RBFOX1: variants seen among roughly 807,000 people sequenced by gnomAD.
RBFOX1 encodes RNA binding protein fox-1 homolog 1.
A neutral mutation model predicts 57.7 loss-of-function variants in RBFOX1; 8 were observed. That is an observed-to-expected ratio of 0.14 (90% confidence interval 0.08 to 0.25). The LOEUF (loss-of-function observed/expected upper bound fraction) is 0.25. RBFOX1 is among the 10% of genes least tolerant of loss of function. The pLI, the probability that RBFOX1 is intolerant of heterozygous loss-of-function variation, is 1.00. For synonymous variants in RBFOX1, 326 were observed against 222.4 expected, an observed-to-expected ratio of 1.47 and a Z score of -4.15; for missense variants, 611 against 548.5, an observed-to-expected ratio of 1.11 and a Z score of -1.14.
At chr16:5,743,152 G>T (rs1755175866) in intron 3 of RBFOX1, among the ~76,000 whole-genome samples, 1 of 152,162 alleles carries the variant, frequency 6.6e-6, no homozygotes, top group South Asian at 2.1e-4. Context: ...AAAAAGGAGA[G>T]GAGATATATG....
rs558653487 is a variant in RBFOX1, at chr16:7,000,345, A to G, written c.-15-51712A>G. 1.2e-4 allele frequency among the ~76,000 whole-genome samples: 19 copies of G among 152,204 alleles called. 1 individual carries two copies. In the South Asian group the frequency reaches 3.7e-3, roughly 30 times the overall value. On this transcript the variant is annotated intron_variant, in intron 3 of 15. Coordinates refer to ENST00000550418, the MANE Select transcript of RBFOX1 (RefSeq NM_018723.4). ...GTCTCAAATTAAAATTAGTCGATAC[A>G]TCTCTCAAGTTTCTTTTATTAAACT...
intron 4 of RBFOX1, among the ~76,000 whole-genome samples, chr16:7,142,228 T>G (rs116487388): frequency 0.055 from 8,323 of 152,094 alleles, 767 homozygotes; most frequent in African/African-American, 0.19. Context: ...TTCATCATGT[T>G]GTCCAGGCTG....
intron 3 of RBFOX1, among the ~76,000 whole-genome samples, chr16:6,767,751 T>C (rs1229157087): frequency 6.6e-6 from 1 of 151,376 alleles, no homozygotes; most frequent in East Asian, 1.9e-4. Flanking sequence ...CCATCTCTAC[T>C]AAAAATACAA....
At chr16:7,516,881 T>C (rs2076475490) in intron 4 of RBFOX1, among the ~76,000 whole-genome samples, 1 of 152,068 alleles carries the variant, frequency 6.6e-6, no homozygotes, top group African/African-American at 2.4e-5. Flanking sequence ...TTTGCTGCAC[T>C]CAAATTGCTT....
chr16:7,333,513 A>T (rs2096730165), intron 4 of RBFOX1, among the ~76,000 whole-genome samples: 1 of 152,156 alleles, frequency 6.6e-6, no homozygotes, highest in Non-Finnish European at 1.5e-5. Context: ...AATTCATAGG[A>T]CGCCTCCACA....
chr16:7,208,499 A>G (rs1369922413), intron 4 of RBFOX1, among the ~76,000 whole-genome samples: 2 of 152,020 alleles, frequency 1.3e-5, no homozygotes, highest in Admixed American at 1.3e-4. Context: ...ACATAGTGGG[A>G]GGGGAAGCAA....
At chr16:5,485,538 C>T (rs1173618384) in intron 2 of RBFOX1, among the ~76,000 whole-genome samples, 1 of 152,016 alleles carries the variant, frequency 6.6e-6, no homozygotes, top group Non-Finnish European at 1.5e-5. Flanking sequence ...TACTAAATGC[C>T]AAGTACCACA....
At chr16:6,675,211 G>C (rs903174652) in intron 3 of RBFOX1, among the ~76,000 whole-genome samples, 4 of 152,122 alleles carry the variant, frequency 2.6e-5, no homozygotes, top group South Asian at 2.1e-4. Flanking sequence ...GCCCATTTCT[G>C]TTGTTTTAAG....
intron 3 of RBFOX1, among the ~76,000 whole-genome samples, chr16:6,743,065 C>T (rs949418857): frequency 1.3e-5 from 2 of 152,072 alleles, no homozygotes; most frequent in African/African-American, 4.8e-5. Context: ...AACAATACTT[C>T]TCTGTAGTGT....
intron 4 of RBFOX1, among the ~76,000 whole-genome samples, chr16:5,930,040 G>T (rs1342203577): frequency 6.6e-6 from 1 of 151,794 alleles, no homozygotes; most frequent in Non-Finnish European, 1.5e-5. Flanking sequence ...AGGCGGAATG[G>T]CTTGCATTTC....
At chr16:7,487,776 G>C (rs1360089203) in intron 4 of RBFOX1, among the ~76,000 whole-genome samples, 1 of 152,126 alleles carries the variant, frequency 6.6e-6, no homozygotes, top group Non-Finnish European at 1.5e-5. Flanking sequence ...TTCAGCACTT[G>C]GACAACCTAA....
intron 1 of RBFOX1, among the ~76,000 whole-genome samples, chr16:6,161,364 G>A (rs2152745139): frequency 6.6e-6 from 1 of 150,706 alleles, no homozygotes; most frequent in Middle Eastern, 3.4e-3. Flanking sequence ...ACTCCAGCCT[G>A]GGCGATAGAG....
At chr16:5,697,588 C>T (rs528558615) in intron 3 of RBFOX1, among the ~76,000 whole-genome samples, 1 of 143,262 alleles carries the variant, frequency 7.0e-6, no homozygotes, top group East Asian at 2.0e-4. Context: ...GGCTGGAGTG[C>T]ATTGGCATGA....
chr16:5,406,658 A>G (rs985443785), intron 1 of RBFOX1, among the ~76,000 whole-genome samples: 10 of 152,104 alleles, frequency 6.6e-5, no homozygotes, highest in African/African-American at 2.4e-4. Flanking sequence ...ATAAATATGT[A>G]TGTATATGTG....
chr16:6,534,798 A>C lies in RBFOX1; in HGVS notation c.-63-119805A>C, dbSNP rs1343880830. Among the ~76,000 whole-genome samples the C allele has an allele frequency of 2.0e-5, 3 of 152,128 alleles. No individual in the cohort carries two copies. The East Asian group carries it at 5.8e-4, about 29-fold the overall frequency. On this transcript the variant is annotated intron_variant, in intron 2 of 15. Coordinates refer to ENST00000550418, the MANE Select transcript of RBFOX1 (RefSeq NM_018723.4). ...TTGACTGGGGTACTGGTTCATGTAT[A>C]TGTGTGTGTTGGCAAAACACCATGG...
intron 1 of RBFOX1, among the ~76,000 whole-genome samples, chr16:6,140,939 G>A (rs1219081740): frequency 6.6e-6 from 1 of 152,200 alleles, no homozygotes; most frequent in Non-Finnish European, 1.5e-5. Context: ...AGTGGTCAAT[G>A]TGTAGTCTCA....
chr16:6,893,053 T>G (rs1010884986), intron 3 of RBFOX1, among the ~76,000 whole-genome samples: 3 of 152,192 alleles, frequency 2.0e-5, no homozygotes, highest in African/African-American at 7.2e-5. Flanking sequence ...ATACATGATC[T>G]TTCTCTTCAG....
At chr16:6,526,793 A>G (rs1377326833) in intron 2 of RBFOX1, among the ~76,000 whole-genome samples, 1 of 135,380 alleles carries the variant, frequency 7.4e-6, no homozygotes, top group African/African-American at 2.8e-5. Context: ...TTGCACTACC[A>G]CACTCCACCC....
chr16:5,704,017 A>C (rs1470975950), intron 3 of RBFOX1, among the ~76,000 whole-genome samples: 4 of 152,066 alleles, frequency 2.6e-5, no homozygotes, highest in Non-Finnish European at 5.9e-5. Context: ...CTACCTTCAG[A>C]GATTAGAGCA....
Sources: allele counts gnomAD v4.1 joint callset (sites outside exome capture counted in the v4.1 genomes callset), GRCh38; gene constraint gnomAD v4.1.1; transcripts MANE v1.5; gene names NCBI Gene and HGNC (gene_info 2026-07-23, HGNC 2026-07-21).